CRPPA: variants seen among roughly 807,000 people sequenced by gnomAD.
CRPPA encodes the protein D-ribitol-5-phosphate cytidylyltransferase.
CRPPA carries 43 observed loss-of-function variants against 52.0 expected under a neutral mutation model. The ratio of observed to expected loss-of-function variants is 0.83; its 90% CI spans 0.65 to 1.07. The LOEUF (loss-of-function observed/expected upper bound fraction) is 1.07. Among genes scored for constraint, CRPPA ranks in the 50% least tolerant of loss-of-function variants. The probability of loss-of-function intolerance (pLI) is 0.00; values close to 1 mark genes in which losing one functional copy is unlikely to be tolerated. For synonymous variants in CRPPA, 250 were observed against 203.5 expected (o/e 1.23, Z -1.94); for missense variants, 629 against 551.7 (o/e 1.14, Z -1.40).
intron 9 of CRPPA, among the ~76,000 whole-genome samples, chr7:16,155,459 C>T (rs1351518151): frequency 1.3e-5 from 2 of 152,154 alleles, no homozygotes; most frequent in African/African-American, 2.4e-5. Context: ...CGAGTGAACT[C>T]GCCTCTCTTG....
chr7:16,111,707 T>C (rs897641367), intron 9 of CRPPA, among the ~76,000 whole-genome samples: 1 of 152,170 alleles, frequency 6.6e-6, no homozygotes, highest in Non-Finnish European at 1.5e-5. Context: ...ATATATGGAA[T>C]CTAAACAACT....
intron 9 of CRPPA, among the ~76,000 whole-genome samples, chr7:16,108,942 G>A (rs551680759): frequency 6.6e-6 from 1 of 151,820 alleles, no homozygotes; most frequent in South Asian, 2.1e-4. Context: ...GGCCTTAGGA[G>A]AAAGTTTGTA....
chr7:16,326,076 A>AG (rs1785382102), intron 3 of CRPPA, among the ~76,000 whole-genome samples: 1 of 150,060 alleles, frequency 6.7e-6, no homozygotes, highest in Non-Finnish European at 1.5e-5. Flanking sequence ...AAAAAAAAAA[A>AG]GCTCAGTGAC....
chr7:16,127,995 C>A (rs190632731), intron 9 of CRPPA, among the ~76,000 whole-genome samples: 1 of 152,070 alleles, frequency 6.6e-6, no homozygotes, highest in Non-Finnish European at 1.5e-5. Flanking sequence ...ACAGCTACAA[C>A]GGAATAAATT....
chr7:16,363,942 A>G (rs988985700), intron 3 of CRPPA, among the ~76,000 whole-genome samples: 4 of 152,208 alleles, frequency 2.6e-5, no homozygotes, highest in Non-Finnish European at 5.9e-5. Context: ...GATAGAAAAT[A>G]ACATATTAGA....
At chr7:16,390,998 C>G (rs1787427751) in intron 2 of CRPPA, among the ~76,000 whole-genome samples, 1 of 152,128 alleles carries the variant, frequency 6.6e-6, no homozygotes, top group Admixed American at 6.5e-5. Flanking sequence ...TTAATGACCA[C>G]ATGAAGTCCC....
At chr7:16,298,335 G>C (rs1442057026) in intron 5 of CRPPA, among the ~76,000 whole-genome samples, 1 of 151,936 alleles carries the variant, frequency 6.6e-6, no homozygotes, top group Non-Finnish European at 1.5e-5. Context: ...ATTTAAGGGA[G>C]GGAAAAAAAG....
chr7:16,295,474 G>A (rs1220305410), intron 5 of CRPPA, among the ~76,000 whole-genome samples: 1 of 151,914 alleles, frequency 6.6e-6, no homozygotes, highest in Non-Finnish European at 1.5e-5. Flanking sequence ...AGGCAGTTTT[G>A]TAGCACAAGT....
intron 9 of CRPPA, among the ~76,000 whole-genome samples, chr7:16,102,329 C>T (rs546971257): frequency 6.6e-5 from 10 of 152,174 alleles, no homozygotes; most frequent in Non-Finnish European, 1.2e-4. Flanking sequence ...AAAACTTCAA[C>T]GTAAGACATA....
intron 3 of CRPPA, among the ~76,000 whole-genome samples, chr7:16,312,321 G>A (rs1785052294): frequency 6.6e-6 from 1 of 151,850 alleles, no homozygotes; most frequent in Admixed American, 6.6e-5. Flanking sequence ...CCTCAAAAAA[G>A]GTTTTGTACA....
At chr7:16,153,887 A>C (rs1314750722) in intron 9 of CRPPA, among the ~76,000 whole-genome samples, 3 of 151,956 alleles carry the variant, frequency 2.0e-5, no homozygotes. Flanking sequence ...GTTGTATTTT[A>C]ATTTTTTAAT....
At chr7:16,419,546 C>A (rs116009002) in intron 1 of CRPPA, among the ~76,000 whole-genome samples, 3,484 of 152,302 alleles carry the variant, frequency 0.023, 61 homozygotes, top group East Asian at 0.13. Flanking sequence ...CATCCTCTGG[C>A]TGCAAGAGTC....
At chr7:16,252,387 T>C (rs369558759) in intron 8 of CRPPA, among the ~76,000 whole-genome samples, 14 of 152,276 alleles carry the variant, frequency 9.2e-5, no homozygotes, top group African/African-American at 2.6e-4. Context: ...AAACTAAGTA[T>C]TGACGGAACG....
At chr7:16,204,269 C>A (rs1245687188) in intron 9 of CRPPA, among the ~76,000 whole-genome samples, 2 of 152,138 alleles carry the variant, frequency 1.3e-5, no homozygotes, top group Non-Finnish European at 2.9e-5. Flanking sequence ...AAAGGTTAAT[C>A]TGAATCAAAT....
At chr7:16,286,742 T>G in intron 5 of CRPPA, among the ~76,000 whole-genome samples, 1 of 152,170 alleles carries the variant, frequency 6.6e-6, no homozygotes, top group Non-Finnish European at 1.5e-5. Flanking sequence ...CAAAAATTCC[T>G]ATTTCTAATA....
intron 9 of CRPPA, among the ~76,000 whole-genome samples, chr7:16,103,381 C>T (rs1782088023): frequency 1.3e-5 from 2 of 152,038 alleles, no homozygotes; most frequent in Non-Finnish European, 2.9e-5. Context: ...TGCAGCAAAC[C>T]ATCATGACAC....
intron 9 of CRPPA, among the ~76,000 whole-genome samples, chr7:16,165,502 T>C (rs1583402360): frequency 1.3e-5 from 2 of 152,250 alleles, no homozygotes; most frequent in African/African-American, 4.8e-5. Flanking sequence ...AGACACATGT[T>C]CTTGTCATTG....
chr7:16,303,492 A>AAAAAAAAAC lies in CRPPA; in HGVS notation c.790-2027_790-2026insGTTTTTTTT, dbSNP rs1554317787. ...CATAAAATAGTAAAAAAAAAAAAAA[A>AAAAAAAAAC]AAAAAAAAAAACTTTCAGAACACAG... On this transcript the variant is annotated intron_variant, in intron 4 of 9. Coordinates refer to ENST00000407010, the MANE Select transcript of CRPPA (RefSeq NM_001101426.4). 3.9e-4 allele frequency among the ~76,000 whole-genome samples: 41 copies of AAAAAAAAAC among 106,270 alleles called. 2 individuals carry two copies. The highest frequency in any genetic ancestry group is 9.3e-4 in the Non-Finnish European group (39 of 41,768). The allele number at this position is 106,270 out of a possible 152,430, so 69.7% of individuals were successfully genotyped here. A position where few individuals can be genotyped will look rare whatever the true frequency, so the allele number is the denominator to read the frequency against.
At position 16,289,891 on chromosome 7, in the gene CRPPA, A is replaced by G. The variant is rs146186433; in HGVS notation, c.835+11530T>C. Among the ~76,000 whole-genome samples, 73 of 152,266 alleles carry G rather than the reference A, an allele frequency of 4.8e-4. No homozygotes were observed. In the East Asian group the frequency reaches 0.014, roughly 29 times the overall value. ...GGCAAAGAAATTAAATTGCTGTTCTATCATAGATGACATAATCTTATATTT... is the reference window on the plus strand; with the variant it reads ...GGCAAAGAAATTAAATTGCTGTTCTGTCATAGATGACATAATCTTATATTT... On this transcript the variant is annotated intron_variant, in intron 5 of 9. Transcript: ENST00000407010.
Sources: allele counts gnomAD v4.1 joint callset (sites outside exome capture counted in the v4.1 genomes callset), GRCh38; gene constraint gnomAD v4.1.1; transcripts MANE v1.5; gene names NCBI Gene and HGNC (gene_info 2026-07-23, HGNC 2026-07-21).